MTUS2: variants seen among roughly 807,000 people sequenced by gnomAD.
MTUS2 encodes microtubule-associated tumor suppressor candidate 2.
In MTUS2, 40 loss-of-function variants were observed where a neutral mutation model predicts 114.1. The ratio of observed to expected loss-of-function variants is 0.35; its 90% confidence interval spans 0.27 to 0.46. The LOEUF is 0.46. Ranked by LOEUF, MTUS2 falls within the 20% of genes least tolerant of loss-of-function variation. The pLI, the probability that MTUS2 is intolerant of heterozygous loss-of-function variation, is 1.00. For missense variants in MTUS2, 1,679 were observed against 1,705.4 expected (o/e 0.98, Z 0.27); for synonymous variants, 688 against 672.0 (o/e 1.02, Z -0.37).
At chr13:29,436,238 A>T (rs985347617) in intron 8 of MTUS2, among the ~76,000 whole-genome samples, 3 of 152,112 alleles carry the variant, frequency 2.0e-5, no homozygotes, top group African/African-American at 7.2e-5. Context: ...CATGGCTAGG[A>T]GGGGAAATCT....
intron 7 of MTUS2, chr13:29,339,554 C>T (rs73437985): frequency 0.022 from 3,326 of 154,116 alleles, 114 homozygotes; most frequent in African/African-American, 0.075. Flanking sequence ...TCCGGCGGGG[C>T]GATTTTCACT....
chr13:29,354,195 C>G (rs1022390893), intron 7 of MTUS2, among the ~76,000 whole-genome samples: 3 of 148,884 alleles, frequency 2.0e-5, no homozygotes, highest in Admixed American at 2.0e-4. Context: ...GCTTCAATAT[C>G]TATAGTTTAA....
chr13:28,987,261 G>C (rs2138320275), intron 2 of MTUS2, among the ~76,000 whole-genome samples: 1 of 152,302 alleles, frequency 6.6e-6, no homozygotes, highest in East Asian at 1.9e-4. Context: ...AAAAGATGGA[G>C]AAGAGTGGAG....
chr13:29,348,588 T>A (rs892903148), intron 7 of MTUS2, among the ~76,000 whole-genome samples: 1 of 152,248 alleles, frequency 6.6e-6, no homozygotes, highest in Non-Finnish European at 1.5e-5. Context: ...GGTTGAAGCA[T>A]TGTCAAGTAT....
At chr13:28,897,544 C>G (rs1879351835) in intron 2 of MTUS2, among the ~76,000 whole-genome samples, 1 of 152,180 alleles carries the variant, frequency 6.6e-6, no homozygotes, top group Non-Finnish European at 1.5e-5. Context: ...CATCCCATTA[C>G]TGGGTATATA....
chr13:29,067,159 G>T (rs552466253), intron 4 of MTUS2, among the ~76,000 whole-genome samples: 1 of 152,294 alleles, frequency 6.6e-6, no homozygotes, highest in South Asian at 2.1e-4. Flanking sequence ...GAGCTAAGGA[G>T]AAGTCTGAGC....
chr13:29,196,837 G>T (rs968285755), intron 5 of MTUS2, among the ~76,000 whole-genome samples: 3 of 152,104 alleles, frequency 2.0e-5, no homozygotes, highest in African/African-American at 7.2e-5. Flanking sequence ...ACCACAATTT[G>T]CTTATCCTTT....
At chr13:29,457,141 CAAA>C (rs771743973) in intron 9 of MTUS2, among the ~76,000 whole-genome samples, 6,370 of 89,548 alleles carry the variant, frequency 0.071, 172 homozygotes, top group Middle Eastern at 0.16. Flanking sequence ...AGACTCCATT[CAAA>C]AAAAAAAAAA....
chr13:29,189,605 A>G (rs903368767), intron 5 of MTUS2, among the ~76,000 whole-genome samples: 1 of 152,022 alleles, frequency 6.6e-6, no homozygotes, highest in Admixed American at 6.6e-5. Flanking sequence ...TTGCCAATGT[A>G]CTTGACTAAT....
chr13:29,124,005 T>G (rs1247570930), intron 5 of MTUS2, among the ~76,000 whole-genome samples: 1 of 152,188 alleles, frequency 6.6e-6, no homozygotes, highest in Non-Finnish European at 1.5e-5. Context: ...TGTCATCCTT[T>G]TACAGAAATG....
At chr13:29,356,943 A>G (rs1165020769) in intron 7 of MTUS2, among the ~76,000 whole-genome samples, 4 of 152,148 alleles carry the variant, frequency 2.6e-5, no homozygotes, top group Non-Finnish European at 5.9e-5. Context: ...TGTTGATCCC[A>G]AAAGTGGGTG....
chr13:28,823,578 A>C (rs1354365735), intron 1 of MTUS2, among the ~76,000 whole-genome samples: 3 of 152,174 alleles, frequency 2.0e-5, no homozygotes, highest in African/African-American at 7.2e-5. Context: ...ACCAAACTTT[A>C]GTCAGGCTCC....
At chr13:29,023,949 A>G (rs1215788840) in intron 2 of MTUS2, among the ~76,000 whole-genome samples, 2 of 152,184 alleles carry the variant, frequency 1.3e-5, no homozygotes, top group African/African-American at 4.8e-5. Context: ...TCCATTGTAA[A>G]GATAAAATTT....
intron 1 of MTUS2, among the ~76,000 whole-genome samples, chr13:28,823,122 T>G (rs2137920273): frequency 6.6e-6 from 1 of 152,358 alleles, no homozygotes; most frequent in African/African-American, 2.4e-5. Context: ...GAAGGAAAAC[T>G]ATTGAAAGAT....
At chr13:29,342,130 T>C (rs9508383) in intron 7 of MTUS2, among the ~76,000 whole-genome samples, 122,420 of 151,990 alleles carry the variant, frequency 0.81, 50,329 homozygotes, top group East Asian at 0.9. Flanking sequence ...TTTGGCTATG[T>C]GGACTCTTTT....
At chr13:29,207,064 G>T (rs920724023) in intron 5 of MTUS2, among the ~76,000 whole-genome samples, 1 of 152,186 alleles carries the variant, frequency 6.6e-6, no homozygotes, top group East Asian at 1.9e-4. Context: ...CCATTTGTTT[G>T]TGTCATCTGT....
intron 2 of MTUS2, among the ~76,000 whole-genome samples, chr13:28,945,359 T>C (rs1261105279): frequency 1.3e-5 from 2 of 152,130 alleles, no homozygotes; most frequent in Non-Finnish European, 2.9e-5. Flanking sequence ...AGTATTTGGG[T>C]AGATACCAGT....
intron 8 of MTUS2, among the ~76,000 whole-genome samples, chr13:29,434,020 C>G (rs180690739): frequency 2.6e-5 from 4 of 152,192 alleles, no homozygotes; most frequent in Admixed American, 2.6e-4. Flanking sequence ...TTGGATTTTC[C>G]TGATCCACAC....
At chr13:28,896,239 C>G (rs1292122174) in intron 2 of MTUS2, among the ~76,000 whole-genome samples, 2 of 152,154 alleles carry the variant, frequency 1.3e-5, no homozygotes, top group Non-Finnish European at 2.9e-5. Context: ...AAATCACAAG[C>G]ATTCTTATAC....
Sources: allele counts gnomAD v4.1 joint callset (sites outside exome capture counted in the v4.1 genomes callset), GRCh38; gene constraint gnomAD v4.1.1; transcripts MANE v1.5; gene names NCBI Gene and HGNC (gene_info 2026-07-23, HGNC 2026-07-21).